Variants in CHD5 observed in about 807,000 individuals in gnomAD.
CHD5 encodes the protein chromodomain helicase DNA binding protein 5, also known as ATP-dependent chromatin remodeler CHD5.
CHD5 carries 69 observed loss-of-function variants against 230.3 expected under a neutral mutation model. That is an observed-to-expected ratio of 0.30 (90% CI 0.25 to 0.37). The LOEUF is 0.37. Ranked by LOEUF, CHD5 falls within the 10% of genes least tolerant of loss-of-function variation. The probability of loss-of-function intolerance (pLI) is 1.00; values close to 1 mark genes in which losing one functional copy is unlikely to be tolerated. For missense variants in CHD5, 1,827 were observed against 2,622.8 expected, an observed-to-expected ratio of 0.70 and a Z score of 6.63; for synonymous variants, 1,064 against 1,065.9, an observed-to-expected ratio of 1.00 and a Z score of 0.03.
rs191438463 is a variant in CHD5 at position 6,178,205 on chromosome 1, G to A, written c.79+1740C>T. 3.5e-4 allele frequency among the ~76,000 whole-genome samples: 53 copies of A among 152,232 alleles called. No individual in the cohort carries two copies. In the East Asian group the frequency reaches 7.5e-3, roughly 22 times the overall value. On this transcript the variant is annotated intron_variant, in intron 1 of 41. Coordinates refer to ENST00000262450, the MANE Select transcript of CHD5 (RefSeq NM_015557.3). ...GGGCCAACCCACCGAGGGGGAGCACGGGTGGTGGGCAGGATGACCAGAGCC... is the reference window on the plus strand; with the variant it reads ...GGGCCAACCCACCGAGGGGGAGCACAGGTGGTGGGCAGGATGACCAGAGCC...
At chr1:6,176,643 C>T (rs1318408517) in intron 1 of CHD5, among the ~76,000 whole-genome samples, 1 of 152,216 alleles carries the variant, frequency 6.6e-6, no homozygotes. Context: ...GTGCTAACTA[C>T]ACCAGCCACA....
Position 6,128,771 on chromosome 1 carries a change from C to A in CHD5, c.3619+67G>T. The A allele has an allele frequency of 7.0e-7, 1 of 1,419,642 alleles. No individual in the cohort carries two copies. Among genetic ancestry groups the A allele is most frequent in the South Asian group, 1.2e-5 (1 of 83,824 alleles). 87.9% of individuals were successfully genotyped at this position (1,419,642 alleles called of 1,614,324 possible). ...TGGAGCGGGCAGGGACCCAAGCAAGCCCTGGATGGGTGTCTCAGCCGGGCC... is the reference window on the plus strand; with the variant it reads ...TGGAGCGGGCAGGGACCCAAGCAAGACCTGGATGGGTGTCTCAGCCGGGCC... On this transcript the variant is annotated intron_variant, in intron 23 of 41. Coordinates refer to ENST00000262450, the MANE Select transcript of CHD5 (RefSeq NM_015557.3). This position sits in a 1 kb window ranked among gnomAD's most constrained non-coding sequence, Gnocchi z 7.8.
chr1:6,174,397 G>A (rs1667386273), intron 1 of CHD5, among the ~76,000 whole-genome samples: 1 of 152,314 alleles, frequency 6.6e-6, no homozygotes, highest in African/African-American at 2.4e-5. Context: ...GTGAATGGAT[G>A]GATGGTGGAT....
In CHD5 at chr1:6,144,012, C is replaced by T. The variant is rs1477739585; in HGVS notation, c.1934+12G>A. 1 of 1,614,128 alleles carries T rather than the reference C, an allele frequency of 6.2e-7. No homozygotes were observed. The highest frequency in any genetic ancestry group is 1.1e-5 in the South Asian group (1 of 91,078). On this transcript the variant is annotated intron_variant, in intron 12 of 41. Transcript: ENST00000262450. Reference sequence around the variant, plus strand: ...GCAGCCTGTGCCTAGCAGCCGGATCCCTGCGACCCACCTGTGGCCCCAGTA... The same window carrying T: ...GCAGCCTGTGCCTAGCAGCCGGATCTCTGCGACCCACCTGTGGCCCCAGTA...
rs1667279506 is a variant in CHD5 at position 6,167,876 on chromosome 1, G to C, written c.207+274C>G. 6.6e-6 allele frequency among the ~76,000 whole-genome samples: 1 copy of C among 152,214 alleles called. No homozygotes were observed. Among genetic ancestry groups the C allele is most frequent in the African/African-American group, 2.4e-5 (1 of 41,442 alleles). On this transcript the variant is annotated intron_variant, in intron 2 of 41. Coordinates refer to ENST00000262450, the MANE Select transcript of CHD5 (RefSeq NM_015557.3). This position sits in a 1 kb window ranked among gnomAD's most constrained non-coding sequence, Gnocchi z 4.5. Reference sequence around the variant, plus strand: ...GGAGGCACCGTGGCGACGGAATCCAGCCCTGTCCCTCGCACAGGATAGGAC... The same window carrying C: ...GGAGGCACCGTGGCGACGGAATCCACCCCTGTCCCTCGCACAGGATAGGAC...
At chr1:6,113,397 C>A (rs537384035) in intron 33 of CHD5, 3 of 396,264 alleles carry the variant, frequency 7.6e-6, no homozygotes, top group African/African-American at 6.3e-5. Context: ...GCACTCCAGC[C>A]TGAGTGACAG....
At position 6,146,878 on chromosome 1, in the gene CHD5, A is replaced by G. The variant is rs1159925411; in HGVS notation, c.1384-7T>C. On this transcript the variant is annotated splice_region_variant and splice_polypyrimidine_tract_variant and intron_variant, in intron 9 of 41. Coordinates refer to ENST00000262450, the MANE Select transcript of CHD5 (RefSeq NM_015557.3). This position sits in a 1 kb window ranked among gnomAD's most constrained non-coding sequence, Gnocchi z 5.1. The stretch of plus-strand genomic sequence containing the variant: ...TGCCCTTCAGTGGGGGGCACTGTGG[A>G]CAGAGAAGGGTCCCCAAGGTGGGGC... The G allele has an allele frequency of 6.7e-7, 1 of 1,491,100 alleles. No homozygotes were observed. The allele number at this position is 1,491,100 out of a possible 1,614,324, so 92.4% of individuals were successfully genotyped here.
chr1:6,135,267 C>T lies in CHD5; in HGVS notation c.2833G>A (p.Glu945Lys). ...DVFKNMPAKT[E>K]LIVRVELSQM... is the part of the protein sequence containing the mutation. ...CTCAGCTCCACCCGGACAATGAGCTCGGTCTTGGCCGGCATGTTCTTGAAC... is the reference window on the plus strand; with the variant it reads ...CTCAGCTCCACCCGGACAATGAGCTTGGTCTTGGCCGGCATGTTCTTGAAC... The change falls in exon 18 of 42, where the codon GAG becomes AAG. Residue 945 changes from glutamate (E) to lysine (K), a missense_variant. Physicochemically the swap from Glu to Lys is moderately conservative, Grantham distance 56 (BLOSUM62 1). Around this residue, in one of 14 missense-constraint regions of CHD5, gnomAD observed 52 missense variants for 164.5 expected, o/e 0.32. Coordinates refer to ENST00000262450, the MANE Select transcript of CHD5 (RefSeq NM_015557.3). 6.2e-7 allele frequency: 1 copy of T among 1,614,124 alleles called. No individual in the cohort carries two copies. The highest frequency in any genetic ancestry group is 8.5e-7 in the Non-Finnish European group (1 of 1,180,038).
chr1:6,159,596 C>T, intron 2 of CHD5, 81 bp from the exon 3 acceptor site: 2 of 1,210,416 alleles, frequency 1.7e-6, no homozygotes. Context: ...GCCCTGAGAG[C>T]TACCTCCTGG....
At chr1:6,109,765 G>T (rs767299688) in intron 38 of CHD5, 30 bp downstream of exon 38, 3 of 1,587,096 alleles carry the variant, frequency 1.9e-6, no homozygotes, top group Non-Finnish European at 1.7e-6. Flanking sequence ...AGGGCGGGGG[G>T]CTGCACCGTG....
rs373144960 is a variant in CHD5, at chr1:6,132,630, A to G, written c.3145-882T>C. ...CCCTGTTTTATCTTTGTCTCTGTAC[A>G]TTGCATTCTGGGAAAATGCCTCAGC... On this transcript the variant is annotated intron_variant, in intron 20 of 41. Transcript: ENST00000262450. Among the ~76,000 whole-genome samples, 12 of 152,282 alleles carry G rather than the reference A, an allele frequency of 7.9e-5. No homozygotes were observed. The East Asian group carries it at 1.5e-3, about 20-fold the overall frequency.
At position 6,125,845 on chromosome 1, in the gene CHD5, C is replaced by T. The variant is rs758386703; in HGVS notation, c.4092G>A (p.Glu1364=). The change falls in exon 27 of 42, where the codon GAG becomes GAA. Residue 1364 remains glutamate, a synonymous_variant. Transcript: ENST00000262450. The surrounding 1 kb of genome is among the most constrained non-coding windows in gnomAD (Gnocchi z 6.7). ...ASQEDQEWQD[E]LSDNQSEYSI... ...AATATTCTGACTGGTTATCAGAGAG[C>T]TCATCCTGCCACTCTGCAGGGGGCC... 2 of 1,611,840 alleles carry T rather than the reference C, an allele frequency of 1.2e-6. 1 individual carries two copies.
intron 9 of CHD5, 110 bp downstream of exon 9, chr1:6,148,744 A>C (rs928467289): frequency 3.9e-6 from 3 of 766,142 alleles, no homozygotes; most frequent in Admixed American, 8.7e-5. Context: ...GAGGCGGGGC[A>C]GGAGCCGGCA....
rs1667047168 is a variant in CHD5 at position 6,154,255 on chromosome 1, C to A, written c.745+405G>T. ...GAGACGGGCTCGACTGGGGCCTCCT[C>A]CTCCTCCCCAGAAACGGCACAGGCT... On this transcript the variant is annotated intron_variant, in intron 5 of 41. Coordinates refer to ENST00000262450, the MANE Select transcript of CHD5 (RefSeq NM_015557.3). This position sits in a 1 kb window ranked among gnomAD's most constrained non-coding sequence, Gnocchi z 7.0. Among the ~76,000 whole-genome samples, 1 of 152,172 alleles carries A rather than the reference C, an allele frequency of 6.6e-6. No individual in the cohort carries two copies. Among genetic ancestry groups the A allele is most frequent in the African/African-American group, 2.4e-5 (1 of 41,452 alleles).
intron 33 of CHD5, among the ~76,000 whole-genome samples, chr1:6,115,996 G>C (rs1666372939): frequency 2.0e-5 from 3 of 152,216 alleles, no homozygotes; most frequent in African/African-American, 7.2e-5. Flanking sequence ...CAGAGAAATA[G>C]ATAACAAAAA....
At position 6,102,184 on chromosome 1, in the gene CHD5, G is replaced by T; in HGVS notation, c.*3290C>A. 4.2e-6 allele frequency: 1 copy of T among 237,240 alleles called. No homozygotes were observed. 14.7% of individuals were successfully genotyped at this position (237,240 alleles called of 1,614,324 possible). A position where few individuals can be genotyped will look rare whatever the true frequency, so the allele number is the denominator to read the frequency against. On this transcript the variant is annotated 3_prime_UTR_variant, in exon 42 of 42. Transcript: ENST00000262450. ...TTGGGCTCCAATCGCTGCTTGAGGA[G>T]TTCAGGACACACACACACACCCAAC...
rs1666134082 is a variant in CHD5 at position 6,104,740 on chromosome 1, G to C, written c.*734C>G. 1 of 152,090 alleles carries C rather than the reference G, an allele frequency of 6.6e-6. No individual in the cohort carries two copies. The highest frequency in any genetic ancestry group is 6.6e-5 in the Admixed American group (1 of 15,228). 9.4% of individuals were successfully genotyped at this position (152,090 alleles called of 1,614,324 possible). On this transcript the variant is annotated 3_prime_UTR_variant, in exon 42 of 42. Coordinates refer to ENST00000262450, the MANE Select transcript of CHD5 (RefSeq NM_015557.3). ...TTCAAGATGCGCTGGGCCGGGGACAGACACCTGCTGGCAGAGGATCCACCT... is the reference window on the plus strand; with the variant it reads ...TTCAAGATGCGCTGGGCCGGGGACACACACCTGCTGGCAGAGGATCCACCT...
In CHD5 at chr1:6,126,843, G is replaced by C. The variant is rs1175517537; in HGVS notation, c.3904-97C>G. 8.7e-7 allele frequency: 1 copy of C among 1,153,758 alleles called. No homozygotes were observed. Among genetic ancestry groups the C allele is most frequent in the Non-Finnish European group, 1.2e-6 (1 of 803,292 alleles). The allele number at this position is 1,153,758 out of a possible 1,614,324, so 71.5% of individuals were successfully genotyped here. A position where few individuals can be genotyped will look rare whatever the true frequency, so the allele number is the denominator to read the frequency against. On this transcript the variant is annotated intron_variant, in intron 25 of 41. Transcript: ENST00000262450. This position sits in a 1 kb window ranked among gnomAD's most constrained non-coding sequence, Gnocchi z 5.7. ...ACCTGACCTGCCCTTTGCCCCCTCA[G>C]GGCTCAAGGATTAATGGGATGGCCT...
Position 6,134,156 on chromosome 1 carries a change from T to G in CHD5, c.3116A>C (p.Glu1039Ala). The change falls in exon 20 of 42, where the codon GAG becomes GCG. Residue 1039 changes from glutamate to alanine, a missense_variant. Glu to Ala is a moderately radical substitution (Grantham distance 107, BLOSUM62 -1). This residue lies in a region of CHD5 where 38 missense variants were observed against 49.5 expected (regional missense o/e 0.77). Coordinates refer to ENST00000262450, the MANE Select transcript of CHD5 (RefSeq NM_015557.3). The surrounding 1 kb of genome is among the most constrained non-coding windows in gnomAD (Gnocchi z 6.3). ...GGAGAAGATGAGCACACGGTGCCCC[T>G]CATCCCGCAGTTTCTTCAGCATCTT... ...LQKMLKKLRD[E>A]GHRVLIFSQM... 6.2e-7 allele frequency: 1 copy of G among 1,613,614 alleles called. No individual in the cohort carries two copies. Among genetic ancestry groups the G allele is most frequent in the Non-Finnish European group, 8.5e-7 (1 of 1,179,942 alleles).
Sources: allele counts gnomAD v4.1 joint callset (sites outside exome capture counted in the v4.1 genomes callset), GRCh38; gene constraint gnomAD v4.1.1; regional missense constraint gnomAD v4.1.1; non-coding constraint Gnocchi (gnomAD v3.1); transcripts MANE v1.5; gene names NCBI Gene and HGNC (gene_info 2026-07-23, HGNC 2026-07-21).